Variants in NYAP2 observed in about 807,000 individuals in gnomAD.
NYAP2 encodes the protein neuronal tyrosine-phosphorylated phosphoinositide-3-kinase adapter 2.
In NYAP2, 23 loss-of-function variants were observed where a neutral mutation model predicts 50.4. The ratio of observed to expected loss-of-function variants is 0.46; its 90% CI spans 0.33 to 0.65. The LOEUF (loss-of-function observed/expected upper bound fraction) is 0.65. Among genes scored for constraint, NYAP2 ranks in the 30% least tolerant of loss-of-function variants. The probability of loss-of-function intolerance (pLI) is 0.02; values close to 1 mark genes in which losing one functional copy is unlikely to be tolerated. For synonymous variants in NYAP2, 394 were observed against 365.2 expected (o/e 1.08, Z -0.90); for missense variants, 885 against 861.0 (o/e 1.03, Z -0.35).
intron 3 of NYAP2, among the ~76,000 whole-genome samples, chr2:225,474,305 T>C (rs1197410348): frequency 2.0e-5 from 3 of 152,162 alleles, no homozygotes; most frequent in Non-Finnish European, 2.9e-5. Context: ...TCTTTTTTGG[T>C]TCCATATGAA....
intron 6 of NYAP2, among the ~76,000 whole-genome samples, chr2:225,628,034 A>G (rs1330249569): frequency 1.4e-5 from 2 of 143,004 alleles, no homozygotes; most frequent in African/African-American, 5.3e-5. Context: ...TAAAATTGGA[A>G]TAGGATGAAT....
chr2:225,421,771 G>C (rs1018573286), intron 3 of NYAP2, among the ~76,000 whole-genome samples: 1 of 152,178 alleles, frequency 6.6e-6, no homozygotes, highest in Non-Finnish European at 1.5e-5. Flanking sequence ...TTTTTCTCTA[G>C]ATTTTGCTGG....
chr2:225,639,321 T>G (rs963814711), intron 6 of NYAP2, among the ~76,000 whole-genome samples: 2 of 152,214 alleles, frequency 1.3e-5, no homozygotes, highest in Non-Finnish European at 2.9e-5. Flanking sequence ...GAATTTAAGT[T>G]TATTACCTTT....
intron 3 of NYAP2, among the ~76,000 whole-genome samples, chr2:225,411,856 G>T (rs1695047271): frequency 6.6e-6 from 1 of 151,864 alleles, no homozygotes; most frequent in South Asian, 2.1e-4. Flanking sequence ...CAATTTCACT[G>T]AAGGGCTGGG....
intron 3 of NYAP2, among the ~76,000 whole-genome samples, chr2:225,432,817 T>A (rs1689290912): frequency 6.6e-6 from 1 of 152,216 alleles, no homozygotes; most frequent in Non-Finnish European, 1.5e-5. Context: ...CTCACCTGTC[T>A]TCTCCATACA....
intron 5 of NYAP2, among the ~76,000 whole-genome samples, chr2:225,620,241 A>T (rs1363205027): frequency 6.6e-6 from 1 of 152,214 alleles, no homozygotes; most frequent in African/African-American, 2.4e-5. Context: ...TTATTTACAT[A>T]TTATATATTA....
intron 5 of NYAP2, among the ~76,000 whole-genome samples, chr2:225,607,541 C>T (rs1010634965): frequency 2.0e-5 from 3 of 152,102 alleles, no homozygotes; most frequent in Admixed American, 2.0e-4. Context: ...AACTTTGGCA[C>T]ATGATTTTGG....
At chr2:225,570,278 T>A (rs1692043403) in intron 4 of NYAP2, among the ~76,000 whole-genome samples, 1 of 152,140 alleles carries the variant, frequency 6.6e-6, no homozygotes, top group Admixed American at 6.5e-5. Context: ...GCTCAGAAAC[T>A]CCCTCTCATC....
At chr2:225,626,879 C>T in intron 5 of NYAP2, 38 bp from the exon 6 acceptor site, 1 of 1,441,430 alleles carries the variant, frequency 6.9e-7, no homozygotes, top group African/African-American at 1.4e-5. Flanking sequence ...AAGAACTTTA[C>T]TCTTGTTTAA....
At chr2:225,432,736 C>G (rs1689289528) in intron 3 of NYAP2, among the ~76,000 whole-genome samples, 1 of 152,168 alleles carries the variant, frequency 6.6e-6, no homozygotes, top group Admixed American at 6.6e-5. Context: ...GTGTGATAGT[C>G]TAAGCATAAC....
chr2:225,407,498 G>A (rs1694962233), intron 2 of NYAP2, among the ~76,000 whole-genome samples: 2 of 151,828 alleles, frequency 1.3e-5, no homozygotes, highest in Non-Finnish European at 2.9e-5. Context: ...ATCAAATATG[G>A]ATTGACTGGC....
intron 3 of NYAP2, among the ~76,000 whole-genome samples, chr2:225,433,150 A>G (rs1689296521): frequency 6.6e-6 from 1 of 152,208 alleles, no homozygotes; most frequent in Admixed American, 6.5e-5. Flanking sequence ...ACTTATTGTA[A>G]GTATACCAAC....
chr2:225,527,741 G>A (rs892788067), intron 4 of NYAP2, among the ~76,000 whole-genome samples: 4 of 152,036 alleles, frequency 2.6e-5, no homozygotes, highest in African/African-American at 9.7e-5. Context: ...TCAAACTCCT[G>A]GGCTCAAGCA....
chr2:225,633,378 G>C (rs1693354671), intron 6 of NYAP2, among the ~76,000 whole-genome samples: 1 of 152,196 alleles, frequency 6.6e-6, no homozygotes, highest in Non-Finnish European at 1.5e-5. Context: ...TGCTTCTGCT[G>C]TTCTGAAAAG....
intron 3 of NYAP2, among the ~76,000 whole-genome samples, chr2:225,509,883 C>T (rs1236661165): frequency 6.6e-6 from 1 of 152,188 alleles, no homozygotes; most frequent in African/African-American, 2.4e-5. Flanking sequence ...TATGCATCCC[C>T]ATATATTGCC....
the NYAP2 span, among the ~76,000 whole-genome samples, chr2:225,683,806 G>T: frequency 1.3e-5 from 2 of 152,130 alleles, no homozygotes; most frequent in African/African-American, 4.8e-5. Flanking sequence ...TCTTGGCTTG[G>T]TAGGTCACGA....
At chr2:225,420,557 T>C (rs1305585943) in intron 3 of NYAP2, among the ~76,000 whole-genome samples, 2 of 151,998 alleles carry the variant, frequency 1.3e-5, no homozygotes, top group African/African-American at 2.4e-5. Context: ...CAATAACCGA[T>C]AGCTGCTTTT....
chr2:225,508,035 C>A (rs941648351), intron 3 of NYAP2, among the ~76,000 whole-genome samples: 2 of 152,144 alleles, frequency 1.3e-5, no homozygotes, highest in African/African-American at 4.8e-5. Flanking sequence ...GGAAAAATAA[C>A]CCTCCTTGAT....
chr2:225,504,891 C>A (rs1188123803), intron 3 of NYAP2, among the ~76,000 whole-genome samples: 1 of 151,820 alleles, frequency 6.6e-6, no homozygotes, highest in East Asian at 1.9e-4. Context: ...GCCTGTAATC[C>A]CAGCTACTTG....
Sources: gnomAD v4.1 joint callset for allele counts (sites outside exome capture counted in the v4.1 genomes callset) on GRCh38, gnomAD v4.1.1 for gene constraint, MANE v1.5 for transcripts, NCBI Gene and HGNC (gene_info 2026-07-23, HGNC 2026-07-21) for gene names.